The following FGF12 variants were observed in gnomAD, a reference collection of about 807,000 sequenced individuals.
FGF12 encodes the protein fibroblast growth factor 12, also known as fibroblast growth factor 12B.
Under a neutral mutation model 23.6 loss-of-function variants are expected in FGF12, and 14 were observed. The observed-to-expected ratio is 0.59, with a 90% CI of 0.39 to 0.93. The LOEUF (loss-of-function observed/expected upper bound fraction) is 0.93, where lower values mean the gene tolerates loss of function less well. Among genes scored for constraint, FGF12 ranks in the 40% least tolerant of loss-of-function variants. FGF12 has a pLI of 0.00. For synonymous variants in FGF12, 62 were observed against 77.3 expected, an observed-to-expected ratio of 0.80 and a Z score of 1.04; for missense variants, 175 against 217.8, an observed-to-expected ratio of 0.80 and a Z score of 1.24.
intron 4 of FGF12, among the ~76,000 whole-genome samples, chr3:192,204,738 G>A (rs1248327380): frequency 6.6e-6 from 1 of 151,926 alleles, no homozygotes; most frequent in Non-Finnish European, 1.5e-5. Flanking sequence ...ATACAAAAAT[G>A]AGCTGGGCGT....
chr3:192,511,135 A>C (rs914343702), intron 2 of FGF12, among the ~76,000 whole-genome samples: 3 of 152,188 alleles, frequency 2.0e-5, no homozygotes, highest in Non-Finnish European at 2.9e-5. Context: ...TAAATAACGC[A>C]GAAGAGTCAT....
intron 2 of FGF12, among the ~76,000 whole-genome samples, chr3:192,503,606 T>G (rs1241359253): frequency 0.13 from 1,613 of 12,754 alleles, 3 homozygotes; most frequent in Non-Finnish European, 0.27. Context: ...TGTGTGTGTT[T>G]TTTTTTTTTT....
chr3:192,485,118 A>C (rs1054738112), intron 2 of FGF12, among the ~76,000 whole-genome samples: 1 of 151,330 alleles, frequency 6.6e-6, no homozygotes, highest in Non-Finnish European at 1.5e-5. Flanking sequence ...ACATCCATCT[A>C]TCTGTATGTA....
chr3:192,364,260 A>G (rs1244971232), intron 2 of FGF12, among the ~76,000 whole-genome samples: 1 of 152,212 alleles, frequency 6.6e-6, no homozygotes, highest in Non-Finnish European at 1.5e-5. Flanking sequence ...TAAGACAAAT[A>G]GGGTCAATGG....
chr3:192,508,967 T>C (rs1724392286), intron 2 of FGF12, among the ~76,000 whole-genome samples: 1 of 152,172 alleles, frequency 6.6e-6, no homozygotes, highest in Admixed American at 6.6e-5. Flanking sequence ...TTTTGGCACT[T>C]TGGCCTTGTA....
intron 4 of FGF12, among the ~76,000 whole-genome samples, chr3:192,203,835 C>T (rs1717506279): frequency 6.6e-6 from 1 of 151,946 alleles, no homozygotes; most frequent in Non-Finnish European, 1.5e-5. Context: ...AACTTTTGGC[C>T]TTAAAAAATC....
intron 2 of FGF12, among the ~76,000 whole-genome samples, chr3:192,555,313 A>G (rs546543713): frequency 6.6e-6 from 1 of 152,330 alleles, no homozygotes; most frequent in Non-Finnish European, 1.5e-5. Flanking sequence ...ACTTTCACAT[A>G]CAAGGGAGGC....
intron 2 of FGF12, among the ~76,000 whole-genome samples, chr3:192,653,731 T>C (rs1216366504): frequency 1.3e-5 from 2 of 151,870 alleles, no homozygotes; most frequent in African/African-American, 4.8e-5. Context: ...TTTTTTTTTT[T>C]TGAGACGGAA....
At chr3:192,469,894 C>T (rs777493353) in intron 2 of FGF12, among the ~76,000 whole-genome samples, 1 of 152,148 alleles carries the variant, frequency 6.6e-6, no homozygotes, top group Non-Finnish European at 1.5e-5. Flanking sequence ...TTAAAACACA[C>T]GCCTACATAA....
intron 4 of FGF12, among the ~76,000 whole-genome samples, chr3:192,284,222 G>C (rs1350326656): frequency 6.6e-6 from 1 of 152,060 alleles, no homozygotes; most frequent in African/African-American, 2.4e-5. Flanking sequence ...TTCTACACTG[G>C]AAAGTTCTTG....
intron 2 of FGF12, among the ~76,000 whole-genome samples, chr3:192,375,776 T>G (rs2108747764): frequency 6.6e-6 from 1 of 152,262 alleles, no homozygotes; most frequent in African/African-American, 2.4e-5. Context: ...TTTCTCTCTC[T>G]TTCTTATTGT....
intron 2 of FGF12, among the ~76,000 whole-genome samples, chr3:192,699,231 C>T (rs1273978297): frequency 6.6e-6 from 1 of 152,172 alleles, no homozygotes; most frequent in Non-Finnish European, 1.5e-5. Flanking sequence ...GTTTGGGCAA[C>T]ACATCATCCA....
chr3:192,155,130 CT>C (rs1351777549), intron 5 of FGF12, among the ~76,000 whole-genome samples: 50 of 150,882 alleles, frequency 3.3e-4, no homozygotes, highest in African/African-American at 1.1e-3. Flanking sequence ...TCCCTGCCCC[CT>C]TGCGCTTCCC....
chr3:192,396,304 C>A (rs2108766148), intron 2 of FGF12, among the ~76,000 whole-genome samples: 1 of 152,272 alleles, frequency 6.6e-6, no homozygotes, highest in South Asian at 2.1e-4. Flanking sequence ...TTCTATATTC[C>A]ATTCCCAAGC....
At chr3:192,287,285 T>A (rs781212141) in intron 4 of FGF12, among the ~76,000 whole-genome samples, 1 of 152,062 alleles carries the variant, frequency 6.6e-6, no homozygotes. Context: ...GGATATATTA[T>A]CTCATTCTCC....
intron 2 of FGF12, among the ~76,000 whole-genome samples, chr3:192,558,517 G>A (rs928229890): frequency 1.3e-4 from 20 of 151,826 alleles, no homozygotes; most frequent in South Asian, 4.1e-4. Context: ...CAAAGTGACC[G>A]AAAGATTTAA....
chr3:192,361,429 C>T (rs79647581), intron 2 of FGF12, among the ~76,000 whole-genome samples: 5,186 of 152,040 alleles, frequency 0.034, 155 homozygotes, highest in South Asian at 0.13. Context: ...TATTCTAGTG[C>T]CCTTATAGCT....
intron 4 of FGF12, among the ~76,000 whole-genome samples, chr3:192,254,356 C>A (rs1577285761): frequency 6.6e-6 from 1 of 151,838 alleles, no homozygotes; most frequent in South Asian, 2.1e-4. Context: ...GGATTTCCCA[C>A]TTTATTAAGG....
intron 4 of FGF12, among the ~76,000 whole-genome samples, chr3:192,300,908 C>G (rs1715314841): frequency 6.6e-6 from 1 of 152,054 alleles, no homozygotes. Context: ...ACCCCAGCTA[C>G]TTGGGAGGCT....
Sources: gnomAD v4.1 joint callset for allele counts (sites outside exome capture counted in the v4.1 genomes callset) on GRCh38, gnomAD v4.1.1 for gene constraint, MANE v1.5 for transcripts, NCBI Gene and HGNC (gene_info 2026-07-23, HGNC 2026-07-21) for gene names.